GPC6: variants seen among roughly 807,000 people sequenced by gnomAD.
The protein encoded by GPC6 is glypican-6.
Under a neutral mutation model 55.2 loss-of-function variants are expected in GPC6, and 14 were observed. That is an observed-to-expected ratio of 0.25 (90% confidence interval 0.17 to 0.40). The LOEUF (loss-of-function observed/expected upper bound fraction) is 0.40, where lower values mean the gene tolerates loss of function less well. Among genes scored for constraint, GPC6 ranks in the 10% least tolerant of loss-of-function variants. GPC6 has a pLI of 1.00. For missense variants in GPC6, 641 were observed against 708.5 expected (o/e 0.90, Z 1.08); for synonymous variants, 278 against 259.6 (o/e 1.07, Z -0.68).
chr13:93,687,004 A>G (rs1882074183), intron 2 of GPC6, among the ~76,000 whole-genome samples: 1 of 152,084 alleles, frequency 6.6e-6, no homozygotes, highest in Non-Finnish European at 1.5e-5. Context: ...GTCACATACA[A>G]TAAATTAAAA....
At chr13:93,772,568 G>C (rs569403462) in intron 2 of GPC6, among the ~76,000 whole-genome samples, 1 of 151,990 alleles carries the variant, frequency 6.6e-6, no homozygotes, top group Admixed American at 6.6e-5. Context: ...ATATTAAAAG[G>C]CGATATATAC....
At chr13:93,515,904 A>G (rs1881170973) in intron 1 of GPC6, among the ~76,000 whole-genome samples, 1 of 152,184 alleles carries the variant, frequency 6.6e-6, no homozygotes, top group Non-Finnish European at 1.5e-5. Context: ...AGCTCTAGGC[A>G]CACACGCAGA....
chr13:94,388,622 G>T (rs1038941360), intron 7 of GPC6, among the ~76,000 whole-genome samples: 3 of 152,170 alleles, frequency 2.0e-5, no homozygotes, highest in African/African-American at 7.2e-5. Flanking sequence ...AGATATAATA[G>T]ACTAAACAAC....
chr13:93,665,531 G>C (rs1431029892), intron 2 of GPC6, among the ~76,000 whole-genome samples: 2 of 152,068 alleles, frequency 1.3e-5, no homozygotes, highest in Admixed American at 6.6e-5. Flanking sequence ...AGGACTTTCT[G>C]CATTTCTTAG....
rs138559860 is a variant in GPC6 at position 93,384,578 on chromosome 13, C to A, written c.160+156962C>A. Among the ~76,000 whole-genome samples, 642 of 152,120 alleles carry A rather than the reference C, an allele frequency of 4.2e-3. 5 individuals are homozygous for A. The highest frequency in any genetic ancestry group is 0.015 in the African/African-American group (608 of 41,500). On this transcript the variant is annotated intron_variant, in intron 1 of 8. Coordinates refer to ENST00000377047, the MANE Select transcript of GPC6 (RefSeq NM_005708.5). Reference sequence around the variant, plus strand: ...AAAGATCTGTAACTGTAAAGTAATGCACTAGAAGAAAGATATAGTGATGAA... The same window carrying A: ...AAAGATCTGTAACTGTAAAGTAATGAACTAGAAGAAAGATATAGTGATGAA...
intron 2 of GPC6, among the ~76,000 whole-genome samples, chr13:93,567,599 A>C (rs921524309): frequency 1.3e-5 from 2 of 152,028 alleles, no homozygotes; most frequent in Non-Finnish European, 2.9e-5. Context: ...CTGGGATTAC[A>C]GGTGTGAGCC....
At chr13:93,336,784 G>C (rs552122279) in intron 1 of GPC6, among the ~76,000 whole-genome samples, 21 of 152,226 alleles carry the variant, frequency 1.4e-4, no homozygotes, top group Admixed American at 3.9e-4. Flanking sequence ...CCTCCTGTAT[G>C]TGATGGCCTT....
intron 1 of GPC6, among the ~76,000 whole-genome samples, chr13:93,279,825 CTT>C (rs1341067893): frequency 6.6e-6 from 1 of 152,098 alleles, no homozygotes; most frequent in African/African-American, 2.4e-5. Context: ...TTGTTGAAAA[CTT>C]TGCTTACTTT....
intron 2 of GPC6, among the ~76,000 whole-genome samples, chr13:93,740,987 G>GCAATTAGA (rs1884179069): frequency 6.6e-6 from 1 of 151,866 alleles, no homozygotes; most frequent in African/African-American, 2.4e-5. Context: ...TTATATGTTT[G>GCAATTAGA]CAATTAGAAA....
intron 4 of GPC6, among the ~76,000 whole-genome samples, chr13:94,105,519 A>G (rs1421531660): frequency 6.6e-6 from 1 of 152,222 alleles, no homozygotes; most frequent in Non-Finnish European, 1.5e-5. Flanking sequence ...AGAGAAGTCA[A>G]AGCCAAAAAT....
intron 2 of GPC6, among the ~76,000 whole-genome samples, chr13:93,782,869 A>C (rs1418812324): frequency 1.3e-5 from 2 of 152,160 alleles, no homozygotes; most frequent in Non-Finnish European, 1.5e-5. Flanking sequence ...TTCTGGGTAC[A>C]TGAACAGAAT....
intron 4 of GPC6, among the ~76,000 whole-genome samples, chr13:94,263,446 G>A (rs1442139616): frequency 6.6e-6 from 1 of 152,166 alleles, no homozygotes; most frequent in East Asian, 1.9e-4. Context: ...AAACTCAAAA[G>A]GGTTGTGTGA....
intron 3 of GPC6, among the ~76,000 whole-genome samples, chr13:94,004,091 A>C (rs1253023786): frequency 6.6e-6 from 1 of 152,182 alleles, no homozygotes; most frequent in African/African-American, 2.4e-5. Flanking sequence ...TGCATTAATC[A>C]TTCCAGTACT....
intron 4 of GPC6, among the ~76,000 whole-genome samples, chr13:94,168,620 A>G (rs566154005): frequency 6.7e-6 from 1 of 149,972 alleles, no homozygotes; most frequent in South Asian, 2.1e-4. Flanking sequence ...AAAAAAGTAT[A>G]TATATTTATT....
intron 5 of GPC6, among the ~76,000 whole-genome samples, chr13:94,291,786 G>C (rs1050353916): frequency 3.3e-5 from 5 of 151,114 alleles, no homozygotes; most frequent in Non-Finnish European, 7.4e-5. Flanking sequence ...GACTGAGGCT[G>C]AGAAATTACA....
At chr13:93,428,764 A>C (rs2139271203) in intron 1 of GPC6, among the ~76,000 whole-genome samples, 1 of 152,312 alleles carries the variant, frequency 6.6e-6, no homozygotes, top group Admixed American at 6.5e-5. Context: ...TTCTAGCATA[A>C]AACCTCTTCT....
At chr13:93,919,673 T>A (rs954858143) in intron 3 of GPC6, among the ~76,000 whole-genome samples, 1 of 152,198 alleles carries the variant, frequency 6.6e-6, no homozygotes, top group African/African-American at 2.4e-5. Context: ...TGAAGTTATA[T>A]ATTGTTCTTG....
At chr13:93,838,256 G>A (rs1887816064) in intron 3 of GPC6, among the ~76,000 whole-genome samples, 1 of 152,154 alleles carries the variant, frequency 6.6e-6, no homozygotes, top group African/African-American at 2.4e-5. Context: ...TAATTAATCA[G>A]GGTGACAGAC....
intron 2 of GPC6, among the ~76,000 whole-genome samples, chr13:93,592,801 T>TTGA (rs1877553133): frequency 1.3e-5 from 2 of 152,078 alleles, no homozygotes; most frequent in African/African-American, 4.8e-5. Context: ...AATAGAACCG[T>TTGA]TGATTATTTG....
Sources: allele counts gnomAD v4.1 joint callset (sites outside exome capture counted in the v4.1 genomes callset), GRCh38; gene constraint gnomAD v4.1.1; transcripts MANE v1.5; gene names NCBI Gene and HGNC (gene_info 2026-07-23, HGNC 2026-07-21).